PLIN2: variants seen among roughly 807,000 people sequenced by gnomAD.
PLIN2 encodes the protein perilipin 2.
PLIN2 carries 33 observed loss-of-function variants against 30.6 expected under a neutral mutation model. That is an observed-to-expected ratio of 1.08 (90% CI 0.82 to 1.44). The LOEUF (loss-of-function observed/expected upper bound fraction) is 1.44, where lower values mean the gene tolerates loss of function less well. Among genes scored for constraint, PLIN2 ranks in the 40% most tolerant of loss-of-function variants. The probability of loss-of-function intolerance (pLI) is 0.00; values close to 1 mark genes in which losing one functional copy is unlikely to be tolerated. For missense variants in PLIN2, 610 were observed against 531.8 expected, an observed-to-expected ratio of 1.15 and a Z score of -1.45; for synonymous variants, 205 against 201.1, an observed-to-expected ratio of 1.02 and a Z score of -0.16.
At position 19,115,908 on chromosome 9, in the gene PLIN2, A is replaced by C. The variant is rs2131175704; in HGVS notation, c.*340T>G. Reference sequence around the variant, plus strand: ...TTCAGATCACACCAGAGCAGACACCAGTTTCTACCCCAGCCCACATGAAGA... The same window carrying C: ...TTCAGATCACACCAGAGCAGACACCCGTTTCTACCCCAGCCCACATGAAGA... On this transcript the variant is annotated 3_prime_UTR_variant, in exon 8 of 8. Transcript: ENST00000276914. The C allele has an allele frequency of 5.2e-6, 1 of 191,208 alleles. No individual in the cohort carries two copies. The highest frequency in any genetic ancestry group is 2.2e-3 in the Middle Eastern group (1 of 450). 11.8% of individuals were successfully genotyped at this position (191,208 alleles called of 1,614,324 possible). A position where few individuals can be genotyped will look rare whatever the true frequency, so the allele number is the denominator to read the frequency against.
In PLIN2 at chr9:19,126,206, G is replaced by C; in HGVS notation, c.134C>G (p.Ser45Cys). The change falls in exon 3 of 8, where the codon TCT becomes TGT. Residue 45 changes from serine (S) to cysteine (C), a missense_variant. Ser to Cys is a moderately radical substitution (Grantham distance 112). Coordinates refer to ENST00000276914, the MANE Select transcript of PLIN2 (RefSeq NM_001122.4). ...ACCGTTCTCTGCCATCTCACACACA[G>C]ACTTCAGGTAGGGATACTGGTCCTT... ...STKDQYPYLKSVCEMAENGVK... is the reference protein window; with the variant it reads ...STKDQYPYLKCVCEMAENGVK... The C allele has an allele frequency of 6.2e-7, 1 of 1,614,142 alleles. No homozygotes were observed. Among genetic ancestry groups the C allele is most frequent in the Non-Finnish European group, 8.5e-7 (1 of 1,179,996 alleles).
At chr9:19,108,994 CAG>C (rs1389020247) in intron 2 of PLIN2, among the ~76,000 whole-genome samples, 3 of 152,004 alleles carry the variant, frequency 2.0e-5, no homozygotes, top group Admixed American at 6.6e-5. Context: ...TAAAAAATAC[CAG>C]ATATAAAGCA....
chr9:19,115,371 T>G (rs976812257), downstream of PLIN2, among the ~76,000 whole-genome samples: 2 of 151,462 alleles, frequency 1.3e-5, no homozygotes, highest in Admixed American at 6.6e-5. Context: ...GCAGTGGCGC[T>G]ATCTCGGCTC....
intron 4 of PLIN2, chr9:19,123,306 T>C: frequency 4.7e-6 from 7 of 1,500,452 alleles, no homozygotes; most frequent in South Asian, 2.4e-5. Flanking sequence ...ATTTCATTTA[T>C]AGGAGCAAAG....
chr9:19,120,521 G>A (rs1588645104), intron 5 of PLIN2, among the ~76,000 whole-genome samples: 1 of 152,258 alleles, frequency 6.6e-6, no homozygotes, highest in Non-Finnish European at 1.5e-5. Flanking sequence ...GATTCAATGT[G>A]AACTTTATGA....
At chr9:19,114,843 G>C (rs1257138405), downstream of PLIN2, among the ~76,000 whole-genome samples, 4 of 152,206 alleles carry the variant, frequency 2.6e-5, no homozygotes, top group African/African-American at 9.6e-5. Context: ...GAGGTAAGAA[G>C]AACCTTTTTC....
chr9:19,123,196 T>C, intron 4 of PLIN2: 1 of 653,562 alleles, frequency 1.5e-6, no homozygotes, highest in African/African-American at 1.8e-5. Context: ...ATATGGATGG[T>C]AGTTCCTGGC....
In PLIN2 at chr9:19,127,027, G is replaced by C. The variant is rs1179524030; in HGVS notation, c.-23+392C>G. Among the ~76,000 whole-genome samples the C allele has an allele frequency of 6.6e-6, 1 of 150,564 alleles. No homozygotes were observed. The highest frequency in any genetic ancestry group is 6.6e-5 in the Admixed American group (1 of 15,202). On this transcript the variant is annotated intron_variant, in intron 1 of 7. Coordinates refer to ENST00000276914, the MANE Select transcript of PLIN2 (RefSeq NM_001122.4). This position sits in a 1 kb window ranked among gnomAD's most constrained non-coding sequence, Gnocchi z 4.3. ...ACTGCACTCCAGCCTGGGCGACAGAGCGAGACTCCGTCAAAAAAAAAATGC... is the reference window on the plus strand; with the variant it reads ...ACTGCACTCCAGCCTGGGCGACAGACCGAGACTCCGTCAAAAAAAAAATGC...
At chr9:19,118,583 C>T (rs908719542) in intron 6 of PLIN2, 128 bp from the exon 7 acceptor site, 2 of 721,180 alleles carry the variant, frequency 2.8e-6, no homozygotes, top group Non-Finnish European at 2.2e-6. Flanking sequence ...AAGATCTATT[C>T]CTGCTATCAT....
At chr9:19,116,743 G>A in intron 7 of PLIN2, 94 bp from the exon 8 acceptor site, 1 of 1,025,584 alleles carries the variant, frequency 9.8e-7, no homozygotes, top group South Asian at 1.5e-5. Flanking sequence ...CACCACATAT[G>A]TGGATTCTTT....
At chr9:19,114,686 G>C (rs1216446245), downstream of PLIN2, among the ~76,000 whole-genome samples, 1 of 152,198 alleles carries the variant, frequency 6.6e-6, no homozygotes, top group Non-Finnish European at 1.5e-5. Flanking sequence ...TTACAGGTAT[G>C]AGCCACAGCG....
At chr9:19,114,383 G>C (rs940647299), downstream of PLIN2, among the ~76,000 whole-genome samples, 2 of 151,982 alleles carry the variant, frequency 1.3e-5, no homozygotes, top group Admixed American at 1.3e-4. Flanking sequence ...AGCAGGGACA[G>C]CCAGAAGCAT....
downstream of PLIN2, among the ~76,000 whole-genome samples, chr9:19,112,062 C>G (rs1458898058): frequency 2.6e-5 from 4 of 152,178 alleles, no homozygotes; most frequent in Admixed American, 6.6e-5. Flanking sequence ...ATTTAAAAAG[C>G]ACACCCCCAT....
At chr9:19,117,104 C>G (rs929806054) in intron 7 of PLIN2, among the ~76,000 whole-genome samples, 1 of 152,026 alleles carries the variant, frequency 6.6e-6, no homozygotes, top group African/African-American at 2.4e-5. Context: ...TATTTCTTTT[C>G]CCTTCCTTCC....
chr9:19,116,594 G>T lies in PLIN2; in HGVS notation c.968C>A (p.Thr323Asn). The change falls in exon 8 of 8, where the codon ACC (threonine) becomes AAC (asparagine). Residue 323 changes from threonine to asparagine, a missense_variant. By Grantham distance (65) the Thr-to-Asn change is moderately conservative. Transcript: ENST00000276914. ...GTTGGACAGGAGGGTGTGGCACGTG[G>T]TCTGGAGCTGCTGAGTCAGGTTGCG... Reference protein sequence around the residue: ...IARNLTQQLQTTCHTLLSNIQ... With the variant: ...IARNLTQQLQNTCHTLLSNIQ... The T allele has an allele frequency of 6.2e-7, 1 of 1,614,090 alleles. No individual in the cohort carries two copies. The highest frequency in any genetic ancestry group is 8.5e-7 in the Non-Finnish European group (1 of 1,180,008).
chr9:19,114,672 G>A (rs1177764695), downstream of PLIN2, among the ~76,000 whole-genome samples: 2 of 152,182 alleles, frequency 1.3e-5, no homozygotes, highest in Non-Finnish European at 1.5e-5. Flanking sequence ...CCAAAGTGCT[G>A]GGATTACAGG....
At chr9:19,112,846 A>C (rs1818175274), downstream of PLIN2, among the ~76,000 whole-genome samples, 1 of 152,190 alleles carries the variant, frequency 6.6e-6, no homozygotes, top group Admixed American at 6.5e-5. Context: ...AGCAAAAAGC[A>C]AGGGCTGCTG....
At chr9:19,110,813 C>A (rs1313012782), downstream of PLIN2, among the ~76,000 whole-genome samples, 1 of 152,162 alleles carries the variant, frequency 6.6e-6, no homozygotes, top group Non-Finnish European at 1.5e-5. Flanking sequence ...TCAAATGGCA[C>A]TTTCATAAAA....
chr9:19,122,332 A>G (rs1818331552), intron 4 of PLIN2, among the ~76,000 whole-genome samples: 1 of 152,136 alleles, frequency 6.6e-6, no homozygotes, highest in Non-Finnish European at 1.5e-5. Flanking sequence ...TGATAGTCCC[A>G]TAAGATTATA....
Sources: gnomAD v4.1 joint callset for allele counts (sites outside exome capture counted in the v4.1 genomes callset) on GRCh38, gnomAD v4.1.1 for gene constraint, Gnocchi (gnomAD v3.1) non-coding constraint, MANE v1.5 for transcripts, NCBI Gene and HGNC (gene_info 2026-07-23, HGNC 2026-07-21) for gene names.